Variants in MALRD1 observed in about 807,000 individuals in gnomAD.
The protein encoded by MALRD1 is MAM and LDL-receptor class A domain-containing protein 1.
A neutral mutation model predicts 242.1 loss-of-function variants in MALRD1; 247 were observed. The ratio of observed to expected loss-of-function variants is 1.02; its 90% CI spans 0.92 to 1.13. The LOEUF is 1.13. Among genes scored for constraint, MALRD1 ranks in the 50% most tolerant of loss-of-function variants. MALRD1 has a pLI of 0.00. For missense variants in MALRD1, 2,989 were observed against 2,533.1 expected, an observed-to-expected ratio of 1.18 and a Z score of -3.86; for synonymous variants, 995 against 866.6, an observed-to-expected ratio of 1.15 and a Z score of -2.60.
intron 38 of MALRD1, among the ~76,000 whole-genome samples, chr10:19,715,633 T>C (rs1834346338): frequency 6.6e-6 from 1 of 152,212 alleles, no homozygotes; most frequent in Admixed American, 6.5e-5. Flanking sequence ...TTTGGACTGC[T>C]ATAAAGAAAT....
chr10:19,601,547 T>C (rs948244378), intron 34 of MALRD1, among the ~76,000 whole-genome samples: 2 of 152,060 alleles, frequency 1.3e-5, no homozygotes, highest in Non-Finnish European at 2.9e-5. Context: ...TTTACAAATT[T>C]CATAAAGCCA....
chr10:19,431,956 AT>A (rs1388338117), intron 28 of MALRD1, among the ~76,000 whole-genome samples: 1 of 151,360 alleles, frequency 6.6e-6, no homozygotes, highest in African/African-American at 2.4e-5. Context: ...TTCATTTTTT[AT>A]TTTTTTCCCA....
intron 10 of MALRD1, among the ~76,000 whole-genome samples, chr10:19,142,432 T>C (rs540143561): frequency 3.3e-5 from 5 of 152,252 alleles, no homozygotes; most frequent in Admixed American, 2.6e-4. Flanking sequence ...CATAAAATAT[T>C]TTACTTTTCA....
intron 25 of MALRD1, among the ~76,000 whole-genome samples, chr10:19,348,707 T>A (rs777840838): frequency 2.6e-5 from 4 of 152,144 alleles, no homozygotes; most frequent in Non-Finnish European, 5.9e-5. Flanking sequence ...TATTGTTTGC[T>A]TGTTTGTTTA....
intron 2 of MALRD1, among the ~76,000 whole-genome samples, chr10:19,085,004 T>G (rs1416425279): frequency 6.6e-6 from 1 of 151,896 alleles, no homozygotes; most frequent in Non-Finnish European, 1.5e-5. Context: ...ATGAGGATGG[T>G]GTAGAGATTA....
intron 2 of MALRD1, among the ~76,000 whole-genome samples, chr10:19,068,752 C>A (rs1643907316): frequency 6.6e-6 from 1 of 152,052 alleles, no homozygotes; most frequent in South Asian, 2.1e-4. Context: ...CTCAAAAATT[C>A]TCATTTCATA....
intron 14 of MALRD1, among the ~76,000 whole-genome samples, chr10:19,189,447 T>G (rs1049937728): frequency 6.6e-6 from 1 of 152,080 alleles, no homozygotes; most frequent in East Asian, 1.9e-4. Context: ...AAGGAATATT[T>G]TCTAACTTAT....
chr10:19,556,830 T>G (rs1365760149), intron 32 of MALRD1, among the ~76,000 whole-genome samples: 1 of 152,160 alleles, frequency 6.6e-6, no homozygotes, highest in Admixed American at 6.5e-5. Context: ...TGTAAGAAAC[T>G]GCCAAACTGT....
intron 2 of MALRD1, among the ~76,000 whole-genome samples, chr10:19,068,120 T>A (rs1835035731): frequency 6.6e-6 from 1 of 152,056 alleles, no homozygotes; most frequent in Non-Finnish European, 1.5e-5. Flanking sequence ...TCCATATGTC[T>A]CTCCTTTGTT....
At chr10:19,264,869 A>G (rs1425249553) in intron 19 of MALRD1, among the ~76,000 whole-genome samples, 1 of 152,230 alleles carries the variant, frequency 6.6e-6, no homozygotes. Context: ...CAGTGAATCC[A>G]TAAGGCCCTG....
chr10:19,524,197 C>T (rs1833996371), intron 31 of MALRD1, among the ~76,000 whole-genome samples: 2 of 152,180 alleles, frequency 1.3e-5, no homozygotes, highest in South Asian at 2.1e-4. Context: ...CAGATGTGAG[C>T]TGGGTGCAGT....
At chr10:19,256,600 T>C (rs1839526033) in intron 18 of MALRD1, among the ~76,000 whole-genome samples, 1 of 152,050 alleles carries the variant, frequency 6.6e-6, no homozygotes. Context: ...TGCAGAAACA[T>C]TTCCCAAATT....
chr10:19,603,596 GC>G (rs1023579263), intron 34 of MALRD1, among the ~76,000 whole-genome samples: 1 of 152,140 alleles, frequency 6.6e-6, no homozygotes, highest in African/African-American at 2.4e-5. Flanking sequence ...GGTTACTATA[GC>G]CTTGTAGTAT....
intron 14 of MALRD1, among the ~76,000 whole-genome samples, chr10:19,176,211 A>C (rs12359081): frequency 0.11 from 16,614 of 151,892 alleles, 962 homozygotes; most frequent in East Asian, 0.18. Context: ...CAACATATTT[A>C]GTGAGTGCAA....
intron 36 of MALRD1, among the ~76,000 whole-genome samples, chr10:19,671,431 A>G (rs576573166): frequency 1.3e-5 from 2 of 152,276 alleles, no homozygotes; most frequent in Admixed American, 6.5e-5. Flanking sequence ...CAGCCCGACC[A>G]ACATGGCAAA....
At chr10:19,197,894 T>A (rs1458717379) in intron 14 of MALRD1, among the ~76,000 whole-genome samples, 1 of 152,242 alleles carries the variant, frequency 6.6e-6, no homozygotes, top group Admixed American at 6.5e-5. Context: ...TCTTAGACTT[T>A]ATACTTGTGC....
rs1301738850 is a variant in MALRD1, at chr10:19,136,566, T to C, written c.1204-8T>C. ...CAAACTCATAAATTAATCTTTTCCTTCCTAAAGATTATTTTTGAAGGGACT... is the reference window on the plus strand; with the variant it reads ...CAAACTCATAAATTAATCTTTTCCTCCCTAAAGATTATTTTTGAAGGGACT... On this transcript the variant is annotated splice_region_variant and splice_polypyrimidine_tract_variant and intron_variant, in intron 9 of 39. Coordinates refer to ENST00000454679, the MANE Select transcript of MALRD1 (RefSeq NM_001142308.3). 3.3e-6 allele frequency: 4 copies of C among 1,219,476 alleles called. No individual in the cohort carries two copies. Among genetic ancestry groups the C allele is most frequent in the Non-Finnish European group, 4.1e-6 (4 of 976,884 alleles). The allele number at this position is 1,219,476 out of a possible 1,614,324, so 75.5% of individuals were successfully genotyped here. A position where few individuals can be genotyped will look rare whatever the true frequency, so the allele number is the denominator to read the frequency against.
chr10:19,088,621 A>G (rs1187384834), intron 4 of MALRD1, among the ~76,000 whole-genome samples: 1 of 106,932 alleles, frequency 9.4e-6, no homozygotes, highest in Non-Finnish European at 1.8e-5. Flanking sequence ...GTTTTAGGGT[A>G]CATGTGCACA....
At chr10:19,078,023 T>C (rs1835370488) in intron 2 of MALRD1, among the ~76,000 whole-genome samples, 1 of 151,930 alleles carries the variant, frequency 6.6e-6, no homozygotes, top group Non-Finnish European at 1.5e-5. Flanking sequence ...ATTATGAAGA[T>C]TTAATGAGAT....
Sources: gnomAD v4.1 joint callset for allele counts (sites outside exome capture counted in the v4.1 genomes callset) on GRCh38, gnomAD v4.1.1 for gene constraint, MANE v1.5 for transcripts, NCBI Gene and HGNC (gene_info 2026-07-23, HGNC 2026-07-21) for gene names.